Variants in TANC1 observed in about 807,000 individuals in gnomAD.
TANC1 encodes tetratricopeptide repeat, ankyrin repeat and coiled-coil containing 1.
TANC1 carries 77 observed loss-of-function variants against 149.7 expected under a neutral mutation model. That is an observed-to-expected ratio of 0.51 (90% CI 0.43 to 0.62). The LOEUF is 0.62. Among genes scored for constraint, TANC1 ranks in the 20% least tolerant of loss-of-function variants. The probability of loss-of-function intolerance (pLI) is 0.00; values close to 1 mark genes in which losing one functional copy is unlikely to be tolerated. For missense variants in TANC1, 1,985 were observed against 2,321.8 expected (o/e 0.85, Z 2.98); for synonymous variants, 854 against 925.0 (o/e 0.92, Z 1.39).
At chr2:159,059,986 T>C (rs1258549620) in intron 2 of TANC1, 1 of 206,156 alleles carries the variant, frequency 4.9e-6, no homozygotes, top group African/African-American at 2.4e-5. Context: ...TTTTTTCTTA[T>C]TTGCTTTAGT....
intron 7 of TANC1, among the ~76,000 whole-genome samples, chr2:159,156,440 A>G (rs1377561961): frequency 2.0e-5 from 3 of 152,178 alleles, no homozygotes; most frequent in African/African-American, 7.2e-5. Flanking sequence ...AGGCTGTTCT[A>G]TTGGTGTAGC....
chr2:159,051,528 C>T (rs1389089963), intron 2 of TANC1, among the ~76,000 whole-genome samples: 1 of 152,214 alleles, frequency 6.6e-6, no homozygotes, highest in Non-Finnish European at 1.5e-5. Flanking sequence ...TGGCGCGTAA[C>T]ATACCTTCAA....
At chr2:159,143,167 G>GT (rs2051615230) in intron 5 of TANC1, among the ~76,000 whole-genome samples, 2 of 151,922 alleles carry the variant, frequency 1.3e-5, no homozygotes, top group Admixed American at 6.6e-5. Context: ...TGAAAATTAG[G>GT]TTTTTTGGGA....
rs150620477 is a variant in TANC1, at chr2:159,136,367, G to A, written c.364+69G>A. 331 of 929,588 alleles carry A rather than the reference G, an allele frequency of 3.6e-4. 1 individual carries two copies. In the African/African-American group the frequency reaches 4.8e-3, roughly 13 times the overall value. The allele number at this position is 929,588 out of a possible 1,614,324, so 57.6% of individuals were successfully genotyped here. A position where few individuals can be genotyped will look rare whatever the true frequency, so the allele number is the denominator to read the frequency against. ...ATACAATGACACTTCATTTCTGAAT[G>A]AAACTTGAGTGTCCTTGCAGTACTG... is the stretch of plus-strand genomic sequence containing the variant. On this transcript the variant is annotated intron_variant, in intron 5 of 26. Transcript: ENST00000263635.
At chr2:158,996,455 T>A (rs1378922451) in intron 1 of TANC1, among the ~76,000 whole-genome samples, 2 of 152,272 alleles carry the variant, frequency 1.3e-5, no homozygotes, top group Non-Finnish European at 2.9e-5. Flanking sequence ...TATAACTTGA[T>A]ATTTTTGTAC....
intron 2 of TANC1, among the ~76,000 whole-genome samples, chr2:159,007,031 C>G (rs1574077908): frequency 6.6e-6 from 1 of 151,888 alleles, no homozygotes; most frequent in South Asian, 2.1e-4. Context: ...AACAGTCATG[C>G]ACCATATAAG....
intron 19 of TANC1, among the ~76,000 whole-genome samples, chr2:159,207,727 A>AAAAAAAAAC (rs1559460760): frequency 7.8e-6 from 1 of 127,896 alleles, no homozygotes; most frequent in Non-Finnish European, 1.6e-5. Context: ...AAAAAAAAAA[A>AAAAAAAAAC]CAACTCAGAC....
intron 3 of TANC1, among the ~76,000 whole-genome samples, chr2:159,087,809 T>C (rs1040515080): frequency 6.6e-6 from 1 of 150,694 alleles, no homozygotes; most frequent in Non-Finnish European, 1.5e-5. Context: ...TTTGGAAATT[T>C]GCTCGTTGCA....
At chr2:159,026,404 T>A (rs1272442152) in intron 2 of TANC1, among the ~76,000 whole-genome samples, 1 of 152,208 alleles carries the variant, frequency 6.6e-6, no homozygotes, top group South Asian at 2.1e-4. Context: ...TTGCCCTTTT[T>A]TTTGAGGCTT....
At chr2:159,044,343 T>G (rs1574307865) in intron 2 of TANC1, among the ~76,000 whole-genome samples, 1 of 151,914 alleles carries the variant, frequency 6.6e-6, no homozygotes, top group East Asian at 1.9e-4. Context: ...GAGGCTGAGG[T>G]GGGAGGATCG....
Position 159,065,984 on chromosome 2 carries a change from G to C in TANC1, c.61+13G>C, listed in dbSNP as rs1323542935. 1 of 1,606,852 alleles carries C rather than the reference G, an allele frequency of 6.2e-7. No homozygotes were observed. Among genetic ancestry groups the C allele is most frequent in the Non-Finnish European group, 8.5e-7 (1 of 1,173,378 alleles). On this transcript the variant is annotated intron_variant, in intron 3 of 26. Transcript: ENST00000263635. Reference sequence around the variant, plus strand: ...AAGAAGGAAGCAGGTATGTGTGCAAGAATGAGAAGCTCAGCCATGGACAGC... The same window carrying C: ...AAGAAGGAAGCAGGTATGTGTGCAACAATGAGAAGCTCAGCCATGGACAGC...
At chr2:158,982,788 T>C (rs1336770671) in intron 1 of TANC1, among the ~76,000 whole-genome samples, 2 of 152,018 alleles carry the variant, frequency 1.3e-5, no homozygotes, top group African/African-American at 4.8e-5. Context: ...TTTTATTTTT[T>C]TATTTTTATT....
In TANC1 at chr2:159,129,267, G is replaced by A. The variant is rs578019646; in HGVS notation, c.260-6927G>A. On this transcript the variant is annotated intron_variant, in intron 4 of 26. Transcript: ENST00000263635. ...CTGCCCTTCTCCCTTTCACTGCCTC[G>A]AGATAAAGCTGGGTTTGGTTTATTT... Among the ~76,000 whole-genome samples, 13 of 152,184 alleles carry A rather than the reference G, an allele frequency of 8.5e-5. No homozygotes were observed. The South Asian group carries it at 1.7e-3, about 19-fold the overall frequency.
intron 2 of TANC1, among the ~76,000 whole-genome samples, chr2:159,013,040 T>C (rs1482705332): frequency 6.6e-6 from 1 of 152,150 alleles, no homozygotes; most frequent in East Asian, 1.9e-4. Flanking sequence ...TTGGAGAAGG[T>C]CATAAACAAA....
At chr2:159,198,912 A>C (rs961801141) in intron 18 of TANC1, 63 bp from the exon 19 acceptor site, 35 of 1,132,988 alleles carry the variant, frequency 3.1e-5, no homozygotes, top group Non-Finnish European at 4.2e-5. Context: ...CCTTTGATAC[A>C]TGGGCTATAA....
Position 159,231,709 on chromosome 2 carries a change from T to A in TANC1, c.*697T>A, listed in dbSNP as rs957677988. Reference sequence around the variant, plus strand: ...GTGTTTTTGATATTTGGAAACAGTATAAGCCATTTGGAGTCATGATTGGTG... The same window carrying A: ...GTGTTTTTGATATTTGGAAACAGTAAAAGCCATTTGGAGTCATGATTGGTG... On this transcript the variant is annotated 3_prime_UTR_variant, in exon 27 of 27. Coordinates refer to ENST00000263635, the MANE Select transcript of TANC1 (RefSeq NM_033394.3). 1 of 152,186 alleles carries A rather than the reference T, an allele frequency of 6.6e-6. No individual in the cohort carries two copies. The highest frequency in any genetic ancestry group is 2.4e-5 in the African/African-American group (1 of 41,434). 9.4% of individuals were successfully genotyped at this position (152,186 alleles called of 1,614,324 possible). A position where few individuals can be genotyped will look rare whatever the true frequency, so the allele number is the denominator to read the frequency against.
chr2:159,203,622 G>T (rs193079585), intron 19 of TANC1, among the ~76,000 whole-genome samples: 32 of 152,246 alleles, frequency 2.1e-4, no homozygotes, highest in African/African-American at 7.0e-4. Flanking sequence ...TTGGAGTGCA[G>T]TGGCACAATC....
chr2:159,057,019 G>A (rs1317778301), intron 2 of TANC1, among the ~76,000 whole-genome samples: 2 of 152,188 alleles, frequency 1.3e-5, no homozygotes, highest in African/African-American at 4.8e-5. Flanking sequence ...TTTGAGGATA[G>A]GAGCAGTTTC....
intron 1 of TANC1, among the ~76,000 whole-genome samples, chr2:158,969,415 T>C (rs2032492121): frequency 6.6e-6 from 1 of 151,520 alleles, no homozygotes; most frequent in South Asian, 2.1e-4. Context: ...TTATTGGGGG[T>C]GGGGGTGAGT....
Sources: allele counts gnomAD v4.1 joint callset (sites outside exome capture counted in the v4.1 genomes callset), GRCh38; gene constraint gnomAD v4.1.1; transcripts MANE v1.5; gene names NCBI Gene and HGNC (gene_info 2026-07-23, HGNC 2026-07-21).